Variants in BRSK1 observed in about 807,000 individuals in gnomAD.
BRSK1 encodes the protein BR serine/threonine kinase 1, also known as serine/threonine-protein kinase BRSK1.
A neutral mutation model predicts 86.2 loss-of-function variants in BRSK1; 17 were observed. The ratio of observed to expected loss-of-function variants is 0.20; its 90% CI spans 0.14 to 0.30. The LOEUF is 0.30. BRSK1 is among the 10% of genes least tolerant of loss of function. BRSK1 has a pLI of 1.00. For missense variants in BRSK1, 719 were observed against 1,071.9 expected (o/e 0.67, Z 4.60); for synonymous variants, 464 against 440.1 (o/e 1.05, Z -0.68).
rs2088589208 is a variant in BRSK1, at chr19:55,302,663, CCCGG to C, written c.858-33_858-30del. 6.3e-7 allele frequency: 1 copy of C among 1,584,128 alleles called. No individual in the cohort carries two copies. Among genetic ancestry groups the C allele is most frequent in the Non-Finnish European group, 8.6e-7 (1 of 1,161,690 alleles). On this transcript the variant is annotated intron_variant, in intron 9 of 18. Coordinates refer to ENST00000309383, the MANE Select transcript of BRSK1 (RefSeq NM_032430.2). This position sits in a 1 kb window ranked among gnomAD's most constrained non-coding sequence, Gnocchi z 6.3. ...AATGAAGAATGCTGAATCTCAGAAG[CCCGG>C]TTCCCAATAATGTTTCTCCACTTCC...
chr19:55,304,648 G>T lies in BRSK1; in HGVS notation c.1445G>T (p.Gly482Val). 6.6e-7 allele frequency: 1 copy of T among 1,516,434 alleles called. No individual in the cohort carries two copies. The highest frequency in any genetic ancestry group is 8.8e-7 in the Non-Finnish European group (1 of 1,136,714). The allele number at this position is 1,516,434 out of a possible 1,614,324, so 93.9% of individuals were successfully genotyped here. The change falls in exon 14 of 19, where the codon GGC becomes GTC. Residue 482 changes from glycine to valine, a missense_variant. Gly to Val is a moderately radical substitution (Grantham distance 109). Around this residue, in one of 6 missense-constraint regions of BRSK1, gnomAD observed 143 missense variants for 120.1 expected, o/e 1.19. Coordinates refer to ENST00000309383, the MANE Select transcript of BRSK1 (RefSeq NM_032430.2). This position sits in a 1 kb window ranked among gnomAD's most constrained non-coding sequence, Gnocchi z 5.2. ...AAAACGCAGACGCTGCCTTCTCGGG[G>T]CCCCAGGGGTGGGGGCGCCGGGGAG... ...TSKTQTLPSR[G>V]PRGGGAGEQP... is the part of the protein sequence containing the mutation.
intron 1 of BRSK1, 121 bp from the exon 2 acceptor site, chr19:55,286,886 G>A (rs2088325337): frequency 2.4e-6 from 2 of 841,996 alleles, no homozygotes; most frequent in African/African-American, 1.7e-5. Context: ...GATGTGTTCA[G>A]GCCATTGTTA....
rs764525325 is a variant in BRSK1, at chr19:55,303,635, C to G, written c.1127-32C>G. The G allele has an allele frequency of 6.4e-7, 1 of 1,573,206 alleles. No individual in the cohort carries two copies. Among genetic ancestry groups the G allele is most frequent in the Non-Finnish European group, 8.6e-7 (1 of 1,157,162 alleles). ...GTTGTACACAGCTGGGTGAAACCAT[C>G]TCTTGATTGGGTTGAAACTGTTGTC... On this transcript the variant is annotated intron_variant, in intron 11 of 18. Coordinates refer to ENST00000309383, the MANE Select transcript of BRSK1 (RefSeq NM_032430.2). The surrounding 1 kb of genome is among the most constrained non-coding windows in gnomAD (Gnocchi z 5.1).
intron 18 of BRSK1, 29 bp downstream of exon 18, chr19:55,308,757 G>T (rs1375639879): frequency 2.0e-5 from 9 of 453,096 alleles, no homozygotes; most frequent in Non-Finnish European, 3.0e-5. Flanking sequence ...GGTGGTGGGG[G>T]GCGTGGGTGG....
At chr19:55,307,679 C>G (rs1004775342) in intron 17 of BRSK1, among the ~76,000 whole-genome samples, 1 of 149,962 alleles carries the variant, frequency 6.7e-6, no homozygotes, top group Admixed American at 6.7e-5. Flanking sequence ...TTGCTTGAGC[C>G]CAGGAGTTTG....
Position 55,302,486 on chromosome 19 carries a change from G to A in BRSK1, c.858-211G>A. The stretch of plus-strand genomic sequence containing the variant: ...CTGAAGAAGGAGGGGCCGGGGGCCT[G>A]GACCCCTCGGTCGGAGGGAAAAGGG... On this transcript the variant is annotated intron_variant, in intron 9 of 18. Transcript: ENST00000309383. This position sits in a 1 kb window ranked among gnomAD's most constrained non-coding sequence, Gnocchi z 6.3. 1 of 660,074 alleles carries A rather than the reference G, an allele frequency of 1.5e-6. No homozygotes were observed. The highest frequency in any genetic ancestry group is 2.6e-6 in the Non-Finnish European group (1 of 391,882). 40.9% of individuals were successfully genotyped at this position (660,074 alleles called of 1,614,324 possible).
rs2088461300 is a variant in BRSK1 at position 55,294,799 on chromosome 19, G to A, written c.678+402G>A. 6.6e-6 allele frequency among the ~76,000 whole-genome samples: 1 copy of A among 150,692 alleles called. No individual in the cohort carries two copies. The stretch of plus-strand genomic sequence containing the variant: ...TTCCAGGTGTGAGCCACTGAACCCG[G>A]CCTATTTATTTATGTATTTTGAGAC... On this transcript the variant is annotated intron_variant, in intron 7 of 18. Transcript: ENST00000309383. This position sits in a 1 kb window ranked among gnomAD's most constrained non-coding sequence, Gnocchi z 4.9.
At position 55,304,748 on chromosome 19, in the gene BRSK1, C is replaced by T; in HGVS notation, c.1545C>T (p.Thr515=). 1.3e-6 allele frequency: 2 copies of T among 1,535,538 alleles called. No homozygotes were observed. Among genetic ancestry groups the T allele is most frequent in the Non-Finnish European group, 1.7e-6 (2 of 1,145,980 alleles). Residue 515 remains threonine (T), a synonymous_variant, in exon 14 of 19, where the codon ACC becomes ACT. Transcript: ENST00000309383. The surrounding 1 kb of genome is among the most constrained non-coding windows in gnomAD (Gnocchi z 5.2). The part of the protein sequence containing the change: ...PPGSPRSSGG[T]PLHSPLHTPR... ...GCTCCCCGCGCTCCTCTGGCGGGAC[C>T]CCCTTGCACTCGCCTCTGCACACGC...
At chr19:55,292,783 G>A (rs373289135) in intron 4 of BRSK1, among the ~76,000 whole-genome samples, 9 of 151,574 alleles carry the variant, frequency 5.9e-5, no homozygotes, top group Non-Finnish European at 1.0e-4. Context: ...GCAGTGAGCC[G>A]TAATCGTGCC....
chr19:55,303,169 C>G lies in BRSK1; in HGVS notation c.1029-142C>G. On this transcript the variant is annotated intron_variant, in intron 10 of 18. Transcript: ENST00000309383. The surrounding 1 kb of genome is among the most constrained non-coding windows in gnomAD (Gnocchi z 5.1). Reference sequence around the variant, plus strand: ...AACACAGCTGAGATGTACCCTAAACCAGAGAAACTGACCATACTGATACCT... The same window carrying G: ...AACACAGCTGAGATGTACCCTAAACGAGAGAAACTGACCATACTGATACCT... 2 of 697,674 alleles carry G rather than the reference C, an allele frequency of 2.9e-6. No homozygotes were observed. The highest frequency in any genetic ancestry group is 4.8e-6 in the Non-Finnish European group (2 of 412,418). 43.2% of individuals were successfully genotyped at this position (697,674 alleles called of 1,614,324 possible).
chr19:55,303,981 G>A lies in BRSK1; in HGVS notation c.1287-69G>A. ...CCTCACCTGGAAGGACTGTAGAAGT[G>A]AGGGAACATCTGTGGTTTTTGAAAC... On this transcript the variant is annotated intron_variant, in intron 12 of 18. Coordinates refer to ENST00000309383, the MANE Select transcript of BRSK1 (RefSeq NM_032430.2). The surrounding 1 kb of genome is among the most constrained non-coding windows in gnomAD (Gnocchi z 5.1). 6.5e-6 allele frequency: 10 copies of A among 1,547,458 alleles called. No homozygotes were observed. Among genetic ancestry groups the A allele is most frequent in the Non-Finnish European group, 5.2e-6 (6 of 1,145,830 alleles).
In BRSK1 at chr19:55,284,137, C is replaced by T. The variant is rs961844823; in HGVS notation, c.-306C>T. On this transcript the variant is annotated 5_prime_UTR_variant, in exon 1 of 19. Coordinates refer to ENST00000309383, the MANE Select transcript of BRSK1 (RefSeq NM_032430.2). ...GCATCCGCCGGCCCGCACCTCAGAC[C>T]CCCCCGGCGGGGGGAGGCGCAGGAA... 3.4e-6 allele frequency: 4 copies of T among 1,181,148 alleles called. No homozygotes were observed. The South Asian group carries it at 1.7e-4, about 50-fold the overall frequency. The allele number at this position is 1,181,148 out of a possible 1,614,324, so 73.2% of individuals were successfully genotyped here. A position where few individuals can be genotyped will look rare whatever the true frequency, so the allele number is the denominator to read the frequency against.
rs2088335171 is a variant in BRSK1 at position 55,287,407 on chromosome 19, T to C, written c.317+108T>C. The C allele has an allele frequency of 9.5e-7, 1 of 1,048,254 alleles. No individual in the cohort carries two copies. Among genetic ancestry groups the C allele is most frequent in the Admixed American group, 1.9e-5 (1 of 52,084 alleles). 64.9% of individuals were successfully genotyped at this position (1,048,254 alleles called of 1,614,324 possible). On this transcript the variant is annotated intron_variant, in intron 3 of 18. Coordinates refer to ENST00000309383, the MANE Select transcript of BRSK1 (RefSeq NM_032430.2). The surrounding 1 kb of genome is among the most constrained non-coding windows in gnomAD (Gnocchi z 5.3). Reference sequence around the variant, plus strand: ...GGGGGACCTGGGGGACCTGCAGCTCTCCAGGCTGGACCGCTGAAGGCCCAG... The same window carrying C: ...GGGGGACCTGGGGGACCTGCAGCTCCCCAGGCTGGACCGCTGAAGGCCCAG...
rs573495505 is a variant in BRSK1 at position 55,309,426 on chromosome 19, T to C, written c.2179+698T>C. ...GTTCGTTCAGGCTACTATAAGAAAA[T>C]ACCATACACTGGGCAACTTACAAAT... is the stretch of plus-strand genomic sequence containing the variant. On this transcript the variant is annotated intron_variant, in intron 18 of 18. Coordinates refer to ENST00000309383, the MANE Select transcript of BRSK1 (RefSeq NM_032430.2). Among the ~76,000 whole-genome samples the C allele has an allele frequency of 2.0e-5, 3 of 152,254 alleles. No individual in the cohort carries two copies. The South Asian group carries it at 6.2e-4, about 32-fold the overall frequency.
rs2088603449 is a variant in BRSK1 at position 55,303,560 on chromosome 19, TC to T, written c.1127-103del. 1 of 1,492,972 alleles carries T rather than the reference TC, an allele frequency of 6.7e-7. No homozygotes were observed. The highest frequency in any genetic ancestry group is 9.2e-7 in the Non-Finnish European group (1 of 1,092,562). The allele number at this position is 1,492,972 out of a possible 1,614,324, so 92.5% of individuals were successfully genotyped here. ...GACTTGCTCTTTGACATTTATCAAATCCCCTCTCCACTCTAGGCCTGTTTCC... is the reference window on the plus strand; with the variant it reads ...GACTTGCTCTTTGACATTTATCAAATCCCTCTCCACTCTAGGCCTGTTTCC... On this transcript the variant is annotated intron_variant, in intron 11 of 18. Transcript: ENST00000309383. This position sits in a 1 kb window ranked among gnomAD's most constrained non-coding sequence, Gnocchi z 5.1.
In BRSK1 at chr19:55,304,118, C is replaced by T. The variant is rs1303089159; in HGVS notation, c.1347+8C>T. On this transcript the variant is annotated splice_region_variant and intron_variant, in intron 13 of 18. Coordinates refer to ENST00000309383, the MANE Select transcript of BRSK1 (RefSeq NM_032430.2). This position sits in a 1 kb window ranked among gnomAD's most constrained non-coding sequence, Gnocchi z 5.2. The stretch of plus-strand genomic sequence containing the variant: ...CCTCTAAGCAGCCCAAGGGTAAGGC[C>T]AGGTCCCCAGTGGGATTTAAGAAGG... The T allele has an allele frequency of 1.9e-6, 3 of 1,611,170 alleles. No individual in the cohort carries two copies. The South Asian group carries it at 3.3e-5, about 18-fold the overall frequency.
intron 4 of BRSK1, among the ~76,000 whole-genome samples, chr19:55,291,396 T>A (rs1404611790): frequency 6.6e-6 from 1 of 152,074 alleles, no homozygotes; most frequent in South Asian, 2.1e-4. Context: ...TAAAAATAAT[T>A]AGCTGGATGT....
In BRSK1 at chr19:55,304,590, G is replaced by A. The variant is rs899290216; in HGVS notation, c.1387G>A (p.Asp463Asn). The A allele has an allele frequency of 3.8e-6, 6 of 1,584,554 alleles. No individual in the cohort carries two copies. The highest frequency in any genetic ancestry group is 5.1e-6 in the Non-Finnish European group (6 of 1,167,102). Residue 463 changes from aspartate to asparagine, a missense_variant, in exon 14 of 19, where the codon GAT (aspartate) becomes AAT (asparagine). Physicochemically the swap from Asp to Asn is conservative, Grantham distance 23. Transcript: ENST00000309383. The surrounding 1 kb of genome is among the most constrained non-coding windows in gnomAD (Gnocchi z 5.2). Reference protein sequence around the residue: ...FSFSPEPGAGDEARGGGSPTS... With the variant: ...FSFSPEPGAGNEARGGGSPTS... ...CTTTTCACCGGAGCCGGGGGCTGGA[G>A]ATGAGGCTCGAGGCGGGGGCTCCCC...
At chr19:55,292,550 C>T (rs914886986) in intron 4 of BRSK1, among the ~76,000 whole-genome samples, 1 of 151,688 alleles carries the variant, frequency 6.6e-6, no homozygotes, top group East Asian at 1.9e-4. Context: ...AAAAAGTTTC[C>T]AGGCCGGGCG....
Sources: allele counts gnomAD v4.1 joint callset (sites outside exome capture counted in the v4.1 genomes callset), GRCh38; gene constraint gnomAD v4.1.1; regional missense constraint gnomAD v4.1.1; non-coding constraint Gnocchi (gnomAD v3.1); transcripts MANE v1.5; gene names NCBI Gene and HGNC (gene_info 2026-07-23, HGNC 2026-07-21).